Variants in KCNH7 observed in about 807,000 individuals in gnomAD.
KCNH7 encodes the protein voltage-gated inwardly rectifying potassium channel KCNH7.
Under a neutral mutation model 120.8 loss-of-function variants are expected in KCNH7, and 49 were observed. The ratio of observed to expected loss-of-function variants is 0.41; its 90% CI spans 0.32 to 0.51. KCNH7 has a LOEUF of 0.51. Among genes scored for constraint, KCNH7 ranks in the 20% least tolerant of loss-of-function variants. The probability of loss-of-function intolerance (pLI) is 0.38; values close to 1 mark genes in which losing one functional copy is unlikely to be tolerated. For synonymous variants in KCNH7, 547 were observed against 516.1 expected (o/e 1.06, Z -0.81); for missense variants, 1,097 against 1,446.6 (o/e 0.76, Z 3.92).
chr2:162,694,748 AT>A lies in KCNH7; in HGVS notation c.307+141788del, dbSNP rs34119660. On this transcript the variant is annotated intron_variant, in intron 2 of 15. Coordinates refer to ENST00000332142, the MANE Select transcript of KCNH7 (RefSeq NM_033272.4). Reference sequence around the variant, plus strand: ...TAGCTTAGAGTTAAAACAAACTTGTATTTTTTTTTTTTTTAGACGGAGTCTC... The same window carrying A: ...TAGCTTAGAGTTAAAACAAACTTGTATTTTTTTTTTTTTAGACGGAGTCTC... Among the ~76,000 whole-genome samples, 677 of 143,542 alleles carry A rather than the reference AT, an allele frequency of 4.7e-3. 2 individuals carry two copies. Among genetic ancestry groups the A allele is most frequent in the South Asian group, 7.5e-3 (34 of 4,540 alleles). The allele number at this position is 143,542 out of a possible 152,430, so 94.2% of individuals were successfully genotyped here.
intron 6 of KCNH7, among the ~76,000 whole-genome samples, chr2:162,476,614 G>C (rs759481481): frequency 6.6e-6 from 1 of 151,814 alleles, no homozygotes; most frequent in African/African-American, 2.4e-5. Context: ...TAATATTATA[G>C]GTTCATTAGT....
intron 6 of KCNH7, among the ~76,000 whole-genome samples, chr2:162,489,214 T>C (rs1366277684): frequency 6.6e-6 from 1 of 152,208 alleles, no homozygotes; most frequent in Non-Finnish European, 1.5e-5. Flanking sequence ...TACAACATGC[T>C]TGAAGTAGTC....
intron 3 of KCNH7, among the ~76,000 whole-genome samples, chr2:162,527,248 C>T (rs1176252740): frequency 1.3e-5 from 2 of 151,848 alleles, no homozygotes; most frequent in Non-Finnish European, 2.9e-5. Flanking sequence ...AGGAAACTTC[C>T]AAATACATGA....
chr2:162,720,125 T>A (rs1274901426), intron 2 of KCNH7, among the ~76,000 whole-genome samples: 2 of 151,942 alleles, frequency 1.3e-5, no homozygotes, highest in Non-Finnish European at 2.9e-5. Flanking sequence ...TGGATTTGCA[T>A]CTCTACAGCA....
At chr2:162,503,456 C>G (rs1035628959) in intron 6 of KCNH7, among the ~76,000 whole-genome samples, 2 of 151,966 alleles carry the variant, frequency 1.3e-5, no homozygotes, top group African/African-American at 2.4e-5. Flanking sequence ...AAAAAATGCT[C>G]TCAAGAATGG....
intron 3 of KCNH7, among the ~76,000 whole-genome samples, chr2:162,530,305 T>C (rs1484800295): frequency 1.3e-5 from 2 of 152,050 alleles, no homozygotes; most frequent in Non-Finnish European, 2.9e-5. Flanking sequence ...GAAGCTATGC[T>C]TCTTGTGTAG....
At chr2:162,647,825 T>C (rs1048477632) in intron 2 of KCNH7, among the ~76,000 whole-genome samples, 2 of 152,178 alleles carry the variant, frequency 1.3e-5, no homozygotes, top group Non-Finnish European at 2.9e-5. Flanking sequence ...TATCCCTTTG[T>C]AGTTTGTGAT....
chr2:162,489,530 G>A (rs370242767), intron 6 of KCNH7, among the ~76,000 whole-genome samples: 4 of 152,224 alleles, frequency 2.6e-5, no homozygotes, highest in Non-Finnish European at 4.4e-5. Context: ...GACCAGAGAC[G>A]ACTAGAAAAC....
At chr2:162,790,391 G>A (rs995155449) in intron 2 of KCNH7, among the ~76,000 whole-genome samples, 2 of 151,872 alleles carry the variant, frequency 1.3e-5, no homozygotes, top group African/African-American at 4.8e-5. Flanking sequence ...GGCTTCTCTG[G>A]TGAATTCTAC....
intron 2 of KCNH7, among the ~76,000 whole-genome samples, chr2:162,813,401 G>A (rs1684802689): frequency 6.6e-6 from 1 of 152,140 alleles, no homozygotes; most frequent in East Asian, 1.9e-4. Context: ...GAAAACTAGG[G>A]AAGAAAACTT....
intron 2 of KCNH7, chr2:162,797,267 A>T (rs561970984): frequency 1.3e-5 from 2 of 152,190 alleles, no homozygotes; most frequent in South Asian, 4.1e-4. Context: ...CATTTGTTTA[A>T]TATCTCTGGA....
intron 2 of KCNH7, among the ~76,000 whole-genome samples, chr2:162,782,709 G>A (rs1344157640): frequency 1.3e-5 from 2 of 152,192 alleles, no homozygotes; most frequent in Non-Finnish European, 2.9e-5. Flanking sequence ...ATGATTCTGA[G>A]CATGTTTCTG....
At chr2:162,725,004 G>T (rs1459029181) in intron 2 of KCNH7, among the ~76,000 whole-genome samples, 1 of 152,200 alleles carries the variant, frequency 6.6e-6, no homozygotes, top group African/African-American at 2.4e-5. Context: ...TCAGCCAACA[G>T]CTTGCTGATG....
intron 2 of KCNH7, among the ~76,000 whole-genome samples, chr2:162,645,233 C>T (rs1684314552): frequency 2.6e-5 from 4 of 152,142 alleles, no homozygotes; most frequent in South Asian, 2.1e-4. Context: ...CTGCAACCTC[C>T]GCCTCCCGGG....
At chr2:162,594,280 C>G (rs750984071) in intron 2 of KCNH7, among the ~76,000 whole-genome samples, 1 of 151,928 alleles carries the variant, frequency 6.6e-6, no homozygotes, top group Non-Finnish European at 1.5e-5. Flanking sequence ...GCTTTAACTA[C>G]TTTTAGTCTT....
At chr2:162,386,757 G>A (rs1366539703) in intron 12 of KCNH7, among the ~76,000 whole-genome samples, 1 of 151,750 alleles carries the variant, frequency 6.6e-6, no homozygotes, top group East Asian at 1.9e-4. Context: ...AAACCATTTT[G>A]TATCTTTGGC....
intron 2 of KCNH7, among the ~76,000 whole-genome samples, chr2:162,623,433 T>G (rs889451884): frequency 6.6e-6 from 1 of 152,188 alleles, no homozygotes; most frequent in Non-Finnish European, 1.5e-5. Context: ...ATATTACACA[T>G]TTTCTTATAA....
At chr2:162,514,021 G>A (rs762955621) in intron 4 of KCNH7, among the ~76,000 whole-genome samples, 22 of 151,648 alleles carry the variant, frequency 1.5e-4, no homozygotes, top group African/African-American at 4.6e-4. Flanking sequence ...TAAAATAAAC[G>A]TCACTGTCAT....
chr2:162,813,217 A>G (rs1010195960), intron 2 of KCNH7, among the ~76,000 whole-genome samples: 2 of 152,162 alleles, frequency 1.3e-5, no homozygotes, highest in Non-Finnish European at 2.9e-5. Context: ...ACTTCTCTCC[A>G]GAACCCAAGC....
Sources: allele counts gnomAD v4.1 joint callset (sites outside exome capture counted in the v4.1 genomes callset), GRCh38; gene constraint gnomAD v4.1.1; transcripts MANE v1.5; gene names NCBI Gene and HGNC (gene_info 2026-07-23, HGNC 2026-07-21).